RBM4: variants seen among roughly 807,000 people sequenced by gnomAD.
RBM4 encodes RNA binding motif protein 4, also known as RNA-binding protein 4.
RBM4 carries 7 observed loss-of-function variants against 29.5 expected under a neutral mutation model. The observed-to-expected ratio is 0.24, with a 90% CI of 0.14 to 0.45. The LOEUF (loss-of-function observed/expected upper bound fraction) is 0.45. Among genes scored for constraint, RBM4 ranks in the 20% least tolerant of loss-of-function variants. RBM4 has a pLI of 1.00. For synonymous variants in RBM4, 220 were observed against 205.4 expected, an observed-to-expected ratio of 1.07 and a Z score of -0.61; for missense variants, 387 against 502.3, an observed-to-expected ratio of 0.77 and a Z score of 2.19.
At chr11:66,647,885 T>A (rs1035989172), downstream of RBM4, among the ~76,000 whole-genome samples, 1 of 152,286 alleles carries the variant, frequency 6.6e-6, no homozygotes, top group East Asian at 1.9e-4. Flanking sequence ...GGATATGATA[T>A]ATTTTTGCAT....
chr11:66,658,936 C>CAA (rs58622757), intron 2 of RBM4, among the ~76,000 whole-genome samples: 17 of 141,332 alleles, frequency 1.2e-4, no homozygotes, highest in East Asian at 4.1e-4. Context: ...GAGTGTCTCT[C>CAA]AAAAAAAAAA....
Position 66,643,357 on chromosome 11 carries a change from T to C in RBM4, c.413-93T>C. 2 of 1,466,092 alleles carry C rather than the reference T, an allele frequency of 1.4e-6. No homozygotes were observed. Among genetic ancestry groups the C allele is most frequent in the Non-Finnish European group, 1.8e-6 (2 of 1,092,328 alleles). 90.8% of individuals were successfully genotyped at this position (1,466,092 alleles called of 1,614,324 possible). A position where few individuals can be genotyped will look rare whatever the true frequency, so the allele number is the denominator to read the frequency against. ...AGATGAGTCCTGCATTAGAATTGTCTAGATAAAGCCATTGCTATGACCAGT... is the reference window on the plus strand; with the variant it reads ...AGATGAGTCCTGCATTAGAATTGTCCAGATAAAGCCATTGCTATGACCAGT... On this transcript the variant is annotated intron_variant, in intron 2 of 3. Transcript: ENST00000310092. The surrounding 1 kb of genome is among the most constrained non-coding windows in gnomAD (Gnocchi z 6.1).
intron 2 of RBM4, among the ~76,000 whole-genome samples, chr11:66,655,977 C>G (rs1938941856): frequency 6.9e-6 from 1 of 145,572 alleles, no homozygotes; most frequent in Non-Finnish European, 1.5e-5. Context: ...CTGAAGTATT[C>G]TTTTTTTTTT....
At chr11:66,664,865 C>CT (rs1939168299) in intron 2 of RBM4, 1 of 152,248 alleles carries the variant, frequency 6.6e-6, no homozygotes, top group African/African-American at 2.4e-5. Flanking sequence ...TCCCAAAGTG[C>CT]TAAGATTACA....
intron 3 of RBM4, among the ~76,000 whole-genome samples, chr11:66,645,079 A>G (rs1436576055): frequency 6.6e-6 from 1 of 152,078 alleles, no homozygotes; most frequent in Non-Finnish European, 1.5e-5. Flanking sequence ...CCATAAGCAA[A>G]TCACTCCCTT....
rs140003632 is a variant in RBM4 at position 66,641,560 on chromosome 11, T to G, written c.412+1437T>G. On this transcript the variant is annotated intron_variant, in intron 2 of 3. Transcript: ENST00000310092. ...TAATTTTTGGACTGTTTCCCACACT[T>G]CAGCCCAGTCAGAAGAGGTGGTGTC... 5.5e-3 allele frequency among the ~76,000 whole-genome samples: 839 copies of G among 152,358 alleles called. 1 individual carries two copies. Among genetic ancestry groups the G allele is most frequent in the Middle Eastern group, 0.01 (3 of 294 alleles).
chr11:66,641,938 G>A (rs519380), intron 2 of RBM4, among the ~76,000 whole-genome samples: 26,831 of 152,070 alleles, frequency 0.18, 2,754 homozygotes, highest in South Asian at 0.22. Flanking sequence ...AGATTAAGGC[G>A]TTTATTAATG....
chr11:66,659,339 C>T (rs1262876013), intron 2 of RBM4, among the ~76,000 whole-genome samples: 6 of 137,538 alleles, frequency 4.4e-5, no homozygotes, highest in African/African-American at 1.4e-4. Flanking sequence ...GGCGCGATCT[C>T]GGCTCACTGC....
At chr11:66,666,277 G>A (rs1323928042) in exon 3 of RBM4, 3 of 1,117,392 alleles carry the variant, frequency 2.7e-6, no homozygotes, top group Middle Eastern at 4.0e-4. Flanking sequence ...CTCACACCAA[G>A]TTCCTCTACT....
At position 66,643,537 on chromosome 11, in the gene RBM4, A is replaced by G. The variant is rs1469049340; in HGVS notation, c.500A>G (p.Lys167Arg). 5 of 1,614,176 alleles carry G rather than the reference A, an allele frequency of 3.1e-6. No homozygotes were observed. Among genetic ancestry groups the G allele is most frequent in the Admixed American group, 3.3e-5 (2 of 60,026 alleles). Residue 167 changes from lysine to arginine, a missense_variant, in exon 3 of 4, where the codon AAA (lysine) becomes AGA (arginine). Physicochemically the swap from Lys to Arg is conservative, Grantham distance 26 (BLOSUM62 2). This residue lies in a region of RBM4 where 281 missense variants were observed against 288.7 expected (regional missense o/e 0.97). Coordinates refer to ENST00000310092, the MANE Select transcript of RBM4 (RefSeq NM_002896.4). The surrounding 1 kb of genome is among the most constrained non-coding windows in gnomAD (Gnocchi z 6.1). Reference protein sequence around the residue: ...GDQSGCYRCGKEGHWSKECPI... With the variant: ...GDQSGCYRCGREGHWSKECPI... ...CAGAGCGGCTGCTATCGGTGCGGGA[A>G]AGAGGGGCACTGGTCCAAAGAGTGT...
Position 66,643,199 on chromosome 11 carries a change from T to C in RBM4, c.413-251T>C, listed in dbSNP as rs1460302219. ...GGAGATGATTGGAGCAAGAGTAGTTTATTTCTTAAGCATTTAAACTGTTGT... is the reference window on the plus strand; with the variant it reads ...GGAGATGATTGGAGCAAGAGTAGTTCATTTCTTAAGCATTTAAACTGTTGT... On this transcript the variant is annotated intron_variant, in intron 2 of 3. Transcript: ENST00000310092. This position sits in a 1 kb window ranked among gnomAD's most constrained non-coding sequence, Gnocchi z 6.1. Among the ~76,000 whole-genome samples, 1 of 152,222 alleles carries C rather than the reference T, an allele frequency of 6.6e-6. No homozygotes were observed. Among genetic ancestry groups the C allele is most frequent in the East Asian group, 1.9e-4 (1 of 5,204 alleles).
chr11:66,640,145 G>C (rs752286364), intron 2 of RBM4, 22 bp downstream of exon 2: 1 of 1,614,024 alleles, frequency 6.2e-7, no homozygotes, highest in African/African-American at 1.3e-5. Flanking sequence ...TCTTTGGGTA[G>C]AGGGCTGAAC....
chr11:66,660,129 CTT>C (rs778565169), intron 2 of RBM4, among the ~76,000 whole-genome samples: 20 of 127,392 alleles, frequency 1.6e-4, no homozygotes, highest in South Asian at 2.5e-4. Context: ...GCCTCAGGGC[CTT>C]TTTTTTTTTT....
At position 66,643,043 on chromosome 11, in the gene RBM4, A is replaced by G. The variant is rs868095430; in HGVS notation, c.413-407A>G. ...GAGGGTGGAGAACTGGCCTTTACTT[A>G]TATTCCTTTGCTTAATGAAAATCCA... is the stretch of plus-strand genomic sequence containing the variant. On this transcript the variant is annotated intron_variant, in intron 2 of 3. Transcript: ENST00000310092. This position sits in a 1 kb window ranked among gnomAD's most constrained non-coding sequence, Gnocchi z 6.1. 2.0e-5 allele frequency among the ~76,000 whole-genome samples: 3 copies of G among 152,124 alleles called. No homozygotes were observed. Among genetic ancestry groups the G allele is most frequent in the Admixed American group, 6.6e-5 (1 of 15,260 alleles).
At chr11:66,659,049 C>G in intron 2 of RBM4, among the ~76,000 whole-genome samples, 1 of 146,564 alleles carries the variant, frequency 6.8e-6, no homozygotes. Context: ...TTTTTTTTTC[C>G]TAACCACCAG....
intron 2 of RBM4, among the ~76,000 whole-genome samples, chr11:66,652,740 G>A (rs1425435559): frequency 1.3e-5 from 2 of 152,068 alleles, no homozygotes; most frequent in Admixed American, 1.3e-4. Context: ...GCGTGGTGGC[G>A]CATGTCGTAG....
downstream of RBM4, among the ~76,000 whole-genome samples, chr11:66,650,998 G>T (rs1203861492): frequency 2.6e-5 from 4 of 152,174 alleles, no homozygotes; most frequent in Non-Finnish European, 5.9e-5. Context: ...CTCCATCCTG[G>T]GTGACAGTGG....
Position 66,640,048 on chromosome 11 carries a change from T to C in RBM4, c.337T>C (p.Tyr113His), listed in dbSNP as rs1166169751. The C allele has an allele frequency of 6.2e-7, 1 of 1,614,094 alleles. No individual in the cohort carries two copies. Among genetic ancestry groups the C allele is most frequent in the Non-Finnish European group, 8.5e-7 (1 of 1,180,048 alleles). The change falls in exon 2 of 4, where the codon TAT becomes CAT. Residue 113 changes from tyrosine (Y) to histidine (H), a missense_variant. Physicochemically the swap from Tyr to His is moderately conservative, Grantham distance 83. Transcript: ENST00000310092. ...CATCGAATGTGACATCGTGAAAGATTATGCCTTCGTACACATGGAGCGGGC... is the reference window on the plus strand; with the variant it reads ...CATCGAATGTGACATCGTGAAAGATCATGCCTTCGTACACATGGAGCGGGC... ...PVIECDIVKD[Y>H]AFVHMERAED...
downstream of RBM4, among the ~76,000 whole-genome samples, chr11:66,650,650 T>A (rs527333110): frequency 5.5e-4 from 83 of 151,430 alleles, no homozygotes; most frequent in Non-Finnish European, 1.1e-3. Flanking sequence ...GATCACGAGG[T>A]CAGGAGATCA....
Sources: gnomAD v4.1 joint callset for allele counts (sites outside exome capture counted in the v4.1 genomes callset) on GRCh38, gnomAD v4.1.1 for gene constraint, gnomAD v4.1.1 regional missense constraint, Gnocchi (gnomAD v3.1) non-coding constraint, MANE v1.5 for transcripts, NCBI Gene and HGNC (gene_info 2026-07-23, HGNC 2026-07-21) for gene names.